NBEA: variants seen among roughly 807,000 people sequenced by gnomAD.
NBEA encodes neurobeachin, also known as lysosomal-trafficking regulator 2.
In NBEA, 44 loss-of-function variants were observed where a neutral mutation model predicts 343.4. The observed-to-expected ratio is 0.13, with a 90% confidence interval of 0.10 to 0.16. NBEA has a LOEUF of 0.16. NBEA is among the 10% of genes least tolerant of loss of function. The probability of loss-of-function intolerance (pLI) is 1.00; values close to 1 mark genes in which losing one functional copy is unlikely to be tolerated. For synonymous variants in NBEA, 1,175 were observed against 1,238.7 expected (o/e 0.95, Z 1.08); for missense variants, 2,555 against 3,631.3 (o/e 0.70, Z 7.62).
At chr13:35,509,964 T>G (rs2077214463) in intron 41 of NBEA, among the ~76,000 whole-genome samples, 1 of 152,220 alleles carries the variant, frequency 6.6e-6, no homozygotes, top group Non-Finnish European at 1.5e-5. Flanking sequence ...AATTTCATCT[T>G]GCAGACTTCA....
intron 41 of NBEA, among the ~76,000 whole-genome samples, chr13:35,513,274 TTACAGGCGCCTGCCACCA>T (rs1295162103): frequency 1.3e-5 from 2 of 149,682 alleles, no homozygotes; most frequent in East Asian, 3.9e-4. Context: ...GTAGCTGGAA[TTACAGGCGCCTGCCACCA>T]CACCTGGCAA....
At chr13:35,559,883 A>AT (rs1490434924) in intron 44 of NBEA, among the ~76,000 whole-genome samples, 1 of 150,080 alleles carries the variant, frequency 6.7e-6, no homozygotes, top group East Asian at 2.0e-4. Context: ...GGGAGCCGAG[A>AT]TCCCACCACT....
chr13:35,126,912 T>TC (rs1353402234), intron 17 of NBEA, among the ~76,000 whole-genome samples: 3 of 129,822 alleles, frequency 2.3e-5, no homozygotes, highest in African/African-American at 9.0e-5. Flanking sequence ...AGAGGGAGAC[T>TC]CCATCTCAAA....
At chr13:35,540,369 A>T (rs976414755) in intron 41 of NBEA, among the ~76,000 whole-genome samples, 1 of 152,198 alleles carries the variant, frequency 6.6e-6, no homozygotes, top group Non-Finnish European at 1.5e-5. Context: ...GGAAACTAGA[A>T]ATTCGTTTAT....
intron 36 of NBEA, among the ~76,000 whole-genome samples, chr13:35,327,607 T>C (rs1267289511): frequency 1.3e-5 from 2 of 151,870 alleles, no homozygotes; most frequent in African/African-American, 4.8e-5. Flanking sequence ...ATGGCAACAA[T>C]AGACACTAGG....
At chr13:35,295,917 A>G (rs925133972) in intron 35 of NBEA, among the ~76,000 whole-genome samples, 1 of 152,182 alleles carries the variant, frequency 6.6e-6, no homozygotes, top group Non-Finnish European at 1.5e-5. Context: ...GTTAGCAGGT[A>G]TAAGAAATTT....
intron 1 of NBEA, among the ~76,000 whole-genome samples, chr13:35,010,211 G>T (rs2061436423): frequency 6.6e-6 from 1 of 152,122 alleles, no homozygotes; most frequent in African/African-American, 2.4e-5. Flanking sequence ...ATTTAGGGGT[G>T]AATGTGAATA....
chr13:35,303,796 C>A (rs1303695499), intron 35 of NBEA, among the ~76,000 whole-genome samples: 1 of 152,120 alleles, frequency 6.6e-6, no homozygotes, highest in African/African-American at 2.4e-5. Context: ...CAAACACTTT[C>A]AAACCTATCT....
intron 48 of NBEA, among the ~76,000 whole-genome samples, chr13:35,626,475 T>C (rs2083235310): frequency 2.6e-5 from 4 of 152,350 alleles, no homozygotes; most frequent in South Asian, 4.1e-4. Context: ...CTATAAGATA[T>C]ATTTGTAATG....
In NBEA at chr13:35,596,391, A is replaced by G. The variant is rs990621022; in HGVS notation, c.7296+2944A>G. 2.0e-5 allele frequency among the ~76,000 whole-genome samples: 3 copies of G among 152,128 alleles called. No homozygotes were observed. In the East Asian group the frequency reaches 5.8e-4, roughly 29 times the overall value. On this transcript the variant is annotated intron_variant, in intron 47 of 58. Coordinates refer to ENST00000379939, the MANE Select transcript of NBEA (RefSeq NM_001385012.1). Reference sequence around the variant, plus strand: ...GCACAGCATGATATATTTTTTAAGGAAGTGTGTTTCCATTTCCAGAGAAGA... The same window carrying G: ...GCACAGCATGATATATTTTTTAAGGGAGTGTGTTTCCATTTCCAGAGAAGA...
intron 31 of NBEA, among the ~76,000 whole-genome samples, chr13:35,203,635 T>G (rs774691912): frequency 2.2e-4 from 34 of 152,164 alleles, no homozygotes; most frequent in Non-Finnish European, 4.4e-4. Flanking sequence ...CAATAAATAT[T>G]TGTTGAATGA....
chr13:35,362,515 G>A (rs1410676068), intron 38 of NBEA, among the ~76,000 whole-genome samples: 3 of 151,996 alleles, frequency 2.0e-5, no homozygotes, highest in African/African-American at 7.2e-5. Flanking sequence ...ATGAATTATA[G>A]TTGTTACAAG....
At chr13:35,670,595 G>T (rs2085571397) in intron 58 of NBEA, among the ~76,000 whole-genome samples, 1 of 152,224 alleles carries the variant, frequency 6.6e-6, no homozygotes, top group South Asian at 2.1e-4. Flanking sequence ...CAGCGGACAG[G>T]CACGTGTGTG....
At chr13:35,301,462 G>C (rs1257495070) in intron 35 of NBEA, among the ~76,000 whole-genome samples, 1 of 152,000 alleles carries the variant, frequency 6.6e-6, no homozygotes, top group African/African-American at 2.4e-5. Flanking sequence ...TTCTGCGTTA[G>C]TTTGCTGAGG....
intron 1 of NBEA, among the ~76,000 whole-genome samples, chr13:35,022,789 A>T (rs932992062): frequency 2.0e-5 from 3 of 152,104 alleles, no homozygotes; most frequent in Non-Finnish European, 4.4e-5. Flanking sequence ...CAGTTTCCTC[A>T]TTTGAGACAC....
intron 49 of NBEA, among the ~76,000 whole-genome samples, chr13:35,636,697 A>G (rs1478936778): frequency 6.6e-6 from 1 of 152,154 alleles, no homozygotes; most frequent in Non-Finnish European, 1.5e-5. Context: ...AACCAGGGAA[A>G]ATTTGGCAGG....
At chr13:35,053,558 T>C (rs1159023298) in intron 6 of NBEA, among the ~76,000 whole-genome samples, 1 of 152,174 alleles carries the variant, frequency 6.6e-6, no homozygotes, top group Non-Finnish European at 1.5e-5. Context: ...TTCTCATAAC[T>C]GTTTCTCTAG....
chr13:35,086,286 G>A (rs117266807), intron 10 of NBEA, among the ~76,000 whole-genome samples: 2,255 of 151,454 alleles, frequency 0.015, 30 homozygotes, highest in Non-Finnish European at 0.023. Context: ...ATCCTAAGCC[G>A]TTTTGGTAAC....
At chr13:35,313,375 A>G (rs1333755049) in intron 36 of NBEA, among the ~76,000 whole-genome samples, 2 of 152,094 alleles carry the variant, frequency 1.3e-5, no homozygotes, top group Non-Finnish European at 2.9e-5. Context: ...CTATATCTCT[A>G]TATTCTGGAA....
Sources: allele counts gnomAD v4.1 joint callset (sites outside exome capture counted in the v4.1 genomes callset), GRCh38; gene constraint gnomAD v4.1.1; transcripts MANE v1.5; gene names NCBI Gene and HGNC (gene_info 2026-07-23, HGNC 2026-07-21).